CDC73: variants seen among roughly 807,000 people sequenced by gnomAD.
CDC73 encodes the protein parafibromin.
Under a neutral mutation model 83.7 loss-of-function variants are expected in CDC73, and 21 were observed. The ratio of observed to expected loss-of-function variants is 0.25; its 90% CI spans 0.18 to 0.36. The LOEUF (loss-of-function observed/expected upper bound fraction) is 0.36, where lower values mean the gene tolerates loss of function less well. Ranked by LOEUF, CDC73 falls within the 10% of genes least tolerant of loss-of-function variation. The pLI is 1.00. For synonymous variants in CDC73, 224 were observed against 212.9 expected (o/e 1.05, Z -0.45); for missense variants, 342 against 653.3 (o/e 0.52, Z 5.19).
At chr1:193,141,795 A>T (rs547702513) in intron 6 of CDC73, 55 bp from the exon 7 acceptor site, 1 of 1,096,490 alleles carries the variant, frequency 9.1e-7, no homozygotes, top group East Asian at 2.5e-5. Context: ...AAATATATTT[A>T]TGATACACTC....
At chr1:193,216,081 G>A (rs1231096020) in intron 13 of CDC73, among the ~76,000 whole-genome samples, 1 of 152,116 alleles carries the variant, frequency 6.6e-6, no homozygotes, top group African/African-American at 2.4e-5. Flanking sequence ...CCCAAAGGTA[G>A]CAGAAGAAAA....
chr1:193,159,651 C>G (rs557330913), intron 10 of CDC73, among the ~76,000 whole-genome samples: 2 of 152,168 alleles, frequency 1.3e-5, no homozygotes, highest in African/African-American at 2.4e-5. Context: ...CGTGAGCCAC[C>G]GTGCCCGGCC....
intron 10 of CDC73, among the ~76,000 whole-genome samples, chr1:193,176,777 C>G (rs1400563393): frequency 6.6e-6 from 1 of 152,074 alleles, no homozygotes; most frequent in Non-Finnish European, 1.5e-5. Context: ...CTTCTCATGA[C>G]AAAATGGTAG....
At chr1:193,193,022 C>CAA (rs1362656933) in intron 10 of CDC73, among the ~76,000 whole-genome samples, 1 of 152,160 alleles carries the variant, frequency 6.6e-6, no homozygotes, top group African/African-American at 2.4e-5. Context: ...TCCGGCCTTC[C>CAA]AAGAAGGTTT....
At chr1:193,122,392 C>T in intron 1 of CDC73, 61 bp downstream of exon 1, 2 of 1,610,338 alleles carry the variant, frequency 1.2e-6, no homozygotes, top group Non-Finnish European at 1.7e-6. Flanking sequence ...CCCCAGGCGA[C>T]CTCTTTCTTA....
intron 8 of CDC73, 148 bp downstream of exon 8, chr1:193,148,113 TC>T: frequency 1.5e-6 from 1 of 688,086 alleles, no homozygotes; most frequent in Non-Finnish European, 2.7e-6. Context: ...GTGAAAGCCC[TC>T]CCCAACATTA....
intron 11 of CDC73, among the ~76,000 whole-genome samples, chr1:193,207,524 T>TC (rs1389521197): frequency 5.3e-5 from 8 of 151,692 alleles, no homozygotes; most frequent in African/African-American, 7.3e-5. Context: ...TTTATAGACC[T>TC]CCCCCCAGAA....
At chr1:193,244,656 G>T (rs755226922) in intron 15 of CDC73, among the ~76,000 whole-genome samples, 7 of 152,034 alleles carry the variant, frequency 4.6e-5, no homozygotes, top group Non-Finnish European at 7.4e-5. Flanking sequence ...TTCCATCTTG[G>T]AATCTTTGTG....
intron 10 of CDC73, among the ~76,000 whole-genome samples, chr1:193,200,326 A>G (rs1677071662): frequency 6.6e-6 from 1 of 152,158 alleles, no homozygotes; most frequent in Admixed American, 6.5e-5. Flanking sequence ...TTCTGATGGT[A>G]TTATATATTA....
At chr1:193,135,659 AT>A (rs1386043987) in intron 5 of CDC73, 70 bp downstream of exon 5, 2 of 1,256,600 alleles carry the variant, frequency 1.6e-6, no homozygotes, top group African/African-American at 1.5e-5. Flanking sequence ...AGTAACAAGG[AT>A]TCTTTGATTG....
chr1:193,218,305 G>A (rs996816089), intron 13 of CDC73, among the ~76,000 whole-genome samples: 13 of 152,158 alleles, frequency 8.5e-5, no homozygotes, highest in Admixed American at 5.9e-4. Context: ...GCATGGATAG[G>A]AAGAATCAAT....
chr1:193,142,824 T>G (rs1307326749), intron 7 of CDC73, among the ~76,000 whole-genome samples: 1 of 152,210 alleles, frequency 6.6e-6, no homozygotes, highest in African/African-American at 2.4e-5. Context: ...TTTTGAAAGA[T>G]AAAAATCTGA....
chr1:193,247,724 T>C (rs1361790793), intron 15 of CDC73, among the ~76,000 whole-genome samples: 1 of 152,086 alleles, frequency 6.6e-6, no homozygotes, highest in East Asian at 1.9e-4. Flanking sequence ...TTGATTGGTA[T>C]GGAAAGCAGA....
rs910864429 is a variant in CDC73 at position 193,251,555 on chromosome 1, G to A, written c.*843G>A. 5.6e-5 allele frequency: 13 copies of A among 231,958 alleles called. 1 individual carries two copies. The South Asian group carries it at 7.3e-4, about 13-fold the overall frequency. The allele number at this position is 231,958 out of a possible 1,614,324, so 14.4% of individuals were successfully genotyped here. ...TCCACTTTTGATTGTAATTTTTATG[G>A]TATAGGATTTTGAATCTTCTATTTT... On this transcript the variant is annotated 3_prime_UTR_variant, in exon 17 of 17. Coordinates refer to ENST00000367435, the MANE Select transcript of CDC73 (RefSeq NM_024529.5).
Position 193,122,054 on chromosome 1 carries a change from A to G in CDC73, c.-147A>G. 1 of 727,400 alleles carries G rather than the reference A, an allele frequency of 1.4e-6. No homozygotes were observed. The highest frequency in any genetic ancestry group is 2.4e-6 in the Non-Finnish European group (1 of 423,038). 45.1% of individuals were successfully genotyped at this position (727,400 alleles called of 1,614,324 possible). On this transcript the variant is annotated 5_prime_UTR_variant, in exon 1 of 17. Coordinates refer to ENST00000367435, the MANE Select transcript of CDC73 (RefSeq NM_024529.5). ...TGGCTACTGCCCCTGCTGCTGTCGT[A>G]GGCGAGGACGGCTGTTAGTGCTGCT...
intron 14 of CDC73, among the ~76,000 whole-genome samples, chr1:193,235,924 A>T (rs887298561): frequency 6.6e-6 from 1 of 152,192 alleles, no homozygotes; most frequent in African/African-American, 2.4e-5. Context: ...TCCCTATTAC[A>T]TTGGAAAAGT....
At chr1:193,123,085 T>C (rs975380964) in intron 1 of CDC73, among the ~76,000 whole-genome samples, 4 of 152,242 alleles carry the variant, frequency 2.6e-5, no homozygotes, top group Non-Finnish European at 5.9e-5. Flanking sequence ...ATTAGGGGCC[T>C]TTTTAATGAT....
chr1:193,233,348 A>G (rs529847115), intron 14 of CDC73, among the ~76,000 whole-genome samples, 194 bp downstream of exon 14: 1 of 152,304 alleles, frequency 6.6e-6, no homozygotes, highest in East Asian at 1.9e-4. Context: ...GGTGCATGCC[A>G]CTGCACCTGG....
chr1:193,212,327 A>G (rs1677293585), intron 12 of CDC73, 63 bp from the exon 13 acceptor site: 3 of 1,051,490 alleles, frequency 2.9e-6, no homozygotes, highest in Admixed American at 4.4e-5. Flanking sequence ...TTTAACTTTT[A>G]GTAGAGAAAG....
Sources: allele counts gnomAD v4.1 joint callset (sites outside exome capture counted in the v4.1 genomes callset), GRCh38; gene constraint gnomAD v4.1.1; transcripts MANE v1.5; gene names NCBI Gene and HGNC (gene_info 2026-07-23, HGNC 2026-07-21).